Variants in USH2A observed in about 807,000 individuals in gnomAD.
USH2A encodes Usher syndrome 2A (autosomal recessive, mild).
In USH2A, 443 loss-of-function variants were observed where a neutral mutation model predicts 538.9. The ratio of observed to expected loss-of-function variants is 0.82; its 90% CI spans 0.76 to 0.89. The LOEUF (loss-of-function observed/expected upper bound fraction) is 0.89. Among genes scored for constraint, USH2A ranks in the 40% least tolerant of loss-of-function variants. The probability of loss-of-function intolerance (pLI) is 0.00; values close to 1 mark genes in which losing one functional copy is unlikely to be tolerated. For missense variants in USH2A, 6,633 were observed against 6,324.8 expected, an observed-to-expected ratio of 1.05 and a Z score of -1.65; for synonymous variants, 2,413 against 2,273.5, an observed-to-expected ratio of 1.06 and a Z score of -1.75.
chr1:216,414,217 A>G (rs1277488343), intron 3 of USH2A, among the ~76,000 whole-genome samples: 2 of 152,100 alleles, frequency 1.3e-5, no homozygotes, highest in African/African-American at 4.8e-5. Context: ...AAAATGACAC[A>G]ATGAATTTTA....
chr1:215,676,462 C>T (rs1658031613), intron 62 of USH2A, among the ~76,000 whole-genome samples: 1 of 152,112 alleles, frequency 6.6e-6, no homozygotes, highest in South Asian at 2.1e-4. Flanking sequence ...ATGACACACT[C>T]CTTTCGATGA....
chr1:215,940,287 C>G (rs1451615176), intron 37 of USH2A, among the ~76,000 whole-genome samples: 1 of 152,064 alleles, frequency 6.6e-6, no homozygotes, highest in Non-Finnish European at 1.5e-5. Flanking sequence ...ATCTCACTAT[C>G]ACGAAATTCT....
chr1:215,889,596 G>A (rs1034409835), intron 40 of USH2A, among the ~76,000 whole-genome samples: 2 of 151,970 alleles, frequency 1.3e-5, no homozygotes, highest in South Asian at 2.1e-4. Flanking sequence ...TATTATAGGC[G>A]ATTTTTTACT....
rs376077079 is a variant in USH2A, at chr1:215,671,273, G to T, written c.13832C>A (p.Ala4611Glu). The change falls in exon 64 of 72, where the codon GCG (alanine) becomes GAG (glutamate). Residue 4611 changes from alanine to glutamate, a missense_variant. By Grantham distance (107) the Ala-to-Glu change is moderately radical. Coordinates refer to ENST00000307340, the MANE Select transcript of USH2A (RefSeq NM_206933.4). ...TGATGCACATCCCAGGGTGGTGCACGCTTGAATTCGTATTTCATACCTTCA... is the reference window on the plus strand; with the variant it reads ...TGATGCACATCCCAGGGTGGTGCACTCTTGAATTCGTATTTCATACCTTCA... ...PFHRYEIRIQ[A>E]CTTLGCASSD... is the part of the protein sequence containing the mutation. 23 of 1,613,944 alleles carry T rather than the reference G, an allele frequency of 1.4e-5. No individual in the cohort carries two copies. Among genetic ancestry groups the T allele is most frequent in the Non-Finnish European group, 1.9e-5 (23 of 1,179,982 alleles).
chr1:215,680,182 C>T lies in USH2A; in HGVS notation c.12261G>A (p.Trp4087Ter). The T allele has an allele frequency of 6.2e-7, 1 of 1,614,132 alleles. No homozygotes were observed. Among genetic ancestry groups the T allele is most frequent in the Non-Finnish European group, 8.5e-7 (1 of 1,180,014 alleles). The change falls in exon 62 of 72, where the codon TGG becomes TGA. Residue 4087 changes from tryptophan (W) to a stop codon, truncating the protein, a stop_gained. Coordinates refer to ENST00000307340, the MANE Select transcript of USH2A (RefSeq NM_206933.4). LOFTEE classifies it high-confidence loss of function. ...KENGRALLLQ[W>*]SEPMRTNGVI... Reference sequence around the variant, plus strand: ...CACCATTGGTTCTCATAGGTTCTGACCACTGTAGTAGCAATGCCCGGCCAT... The same window carrying T: ...CACCATTGGTTCTCATAGGTTCTGATCACTGTAGTAGCAATGCCCGGCCAT...
chr1:215,908,015 T>G (rs1468711433), intron 38 of USH2A, among the ~76,000 whole-genome samples: 4 of 152,038 alleles, frequency 2.6e-5, no homozygotes, highest in African/African-American at 9.7e-5. Context: ...TTAACATAAG[T>G]GAGATTAATT....
rs561883614 is a variant in USH2A, at chr1:215,628,200, T to A, written c.15519+614A>T. Among the ~76,000 whole-genome samples the A allele has an allele frequency of 2.6e-5, 4 of 152,302 alleles. No individual in the cohort carries two copies. In the East Asian group the frequency reaches 7.7e-4, roughly 29 times the overall value. ...TACCTTTTTGTTTTAGTAAAACAAG[T>A]GCTTGTATTTTATGCCTTGTTTTAG... is the stretch of plus-strand genomic sequence containing the variant. On this transcript the variant is annotated intron_variant, in intron 71 of 71. Transcript: ENST00000307340.
chr1:215,756,596 C>T (rs1011696416), intron 58 of USH2A, among the ~76,000 whole-genome samples: 7 of 152,188 alleles, frequency 4.6e-5, no homozygotes, highest in Middle Eastern at 3.4e-3. Context: ...GGTGCAAAAA[C>T]ACAACAGCAC....
rs1264769830 is a variant in USH2A, at chr1:215,640,549, G to T, written c.14968+9C>A. ...CTTCCACACTGAGAAACAGGAGTCA[G>T]AAACTAACTTTTGTCCGCCGTTCTC... On this transcript the variant is annotated intron_variant, in intron 68 of 71. Coordinates refer to ENST00000307340, the MANE Select transcript of USH2A (RefSeq NM_206933.4). 1.2e-6 allele frequency: 2 copies of T among 1,613,598 alleles called. No individual in the cohort carries two copies. Among genetic ancestry groups the T allele is most frequent in the Non-Finnish European group, 1.7e-6 (2 of 1,179,998 alleles).
chr1:216,358,931 T>C (rs1461139245), intron 4 of USH2A, among the ~76,000 whole-genome samples: 1 of 152,072 alleles, frequency 6.6e-6, no homozygotes, highest in Non-Finnish European at 1.5e-5. Context: ...AACCCTGCAG[T>C]GCATAGGGGA....
chr1:216,402,692 C>A (rs917300019), intron 3 of USH2A, among the ~76,000 whole-genome samples: 3 of 151,862 alleles, frequency 2.0e-5, no homozygotes, highest in African/African-American at 7.3e-5. Flanking sequence ...GTTAATGGAC[C>A]ATTTATCTTA....
At chr1:215,973,755 T>C (rs1218734893) in intron 35 of USH2A, among the ~76,000 whole-genome samples, 2 of 151,354 alleles carry the variant, frequency 1.3e-5, no homozygotes, top group Admixed American at 6.6e-5. Context: ...ACTATGGATA[T>C]AGGAAGAGCA....
rs567077664 is a variant in USH2A at position 215,689,358 on chromosome 1, C to T, written c.12067-8982G>A. 5.3e-5 allele frequency among the ~76,000 whole-genome samples: 8 copies of T among 152,260 alleles called. No homozygotes were observed. In the South Asian group the frequency reaches 1.7e-3, roughly 32 times the overall value. ...GAAACTTAACAAGTCTCCATATGAT[C>T]TCTTGATTTTCCCTTTTTTGAAGTT... On this transcript the variant is annotated intron_variant, in intron 61 of 71. Coordinates refer to ENST00000307340, the MANE Select transcript of USH2A (RefSeq NM_206933.4).
chr1:215,747,108 T>G (rs796640430), intron 58 of USH2A, among the ~76,000 whole-genome samples: 2 of 152,220 alleles, frequency 1.3e-5, no homozygotes, highest in Non-Finnish European at 2.9e-5. Flanking sequence ...GATGTGCCAG[T>G]GTGCTGAACA....
chr1:216,216,619 G>C (rs2035346900), intron 15 of USH2A, among the ~76,000 whole-genome samples: 2 of 152,058 alleles, frequency 1.3e-5, no homozygotes, highest in Admixed American at 6.6e-5. Flanking sequence ...ATTTCTTAGG[G>C]ATTCTGGAAA....
chr1:216,207,975 T>A (rs1253046760), intron 15 of USH2A, among the ~76,000 whole-genome samples: 2 of 150,382 alleles, frequency 1.3e-5, no homozygotes, highest in Admixed American at 6.6e-5. Flanking sequence ...AAGAAACGAT[T>A]TGAATATACT....
intron 61 of USH2A, among the ~76,000 whole-genome samples, chr1:215,713,308 T>A (rs1368250355): frequency 3.3e-5 from 5 of 152,308 alleles, no homozygotes; most frequent in Non-Finnish European, 5.9e-5. Context: ...GGAGGCACTA[T>A]TAGGCATAAC....
At chr1:215,801,376 G>A (rs1210601781) in intron 49 of USH2A, among the ~76,000 whole-genome samples, 2 of 145,652 alleles carry the variant, frequency 1.4e-5, no homozygotes, top group Non-Finnish European at 3.0e-5. Context: ...ATATCATATA[G>A]AGAAAACTAT....
intron 59 of USH2A, among the ~76,000 whole-genome samples, chr1:215,742,741 A>G (rs906939126): frequency 6.6e-6 from 1 of 152,194 alleles, no homozygotes; most frequent in African/African-American, 2.4e-5. Flanking sequence ...TCAAGGAAGC[A>G]CTATAAAATA....
Sources: allele counts gnomAD v4.1 joint callset (sites outside exome capture counted in the v4.1 genomes callset), GRCh38; gene constraint gnomAD v4.1.1; transcripts MANE v1.5; gene names NCBI Gene and HGNC (gene_info 2026-07-23, HGNC 2026-07-21).